APOB: variants seen among roughly 807,000 people sequenced by gnomAD.
APOB encodes the protein apolipoprotein B-100.
Under a neutral mutation model 314.1 loss-of-function variants are expected in APOB, and 153 were observed. That is an observed-to-expected ratio of 0.49 (90% confidence interval 0.43 to 0.56). The LOEUF (loss-of-function observed/expected upper bound fraction) is 0.56. Ranked by LOEUF, APOB falls within the 20% of genes least tolerant of loss-of-function variation. The probability of loss-of-function intolerance (pLI) is 0.00; values close to 1 mark genes in which losing one functional copy is unlikely to be tolerated. For synonymous variants in APOB, 2,087 were observed against 2,036.4 expected (o/e 1.02, Z -0.67); for missense variants, 5,430 against 5,350.7 (o/e 1.01, Z -0.46).
At position 21,010,805 on chromosome 2, in the gene APOB, G is replaced by T; in HGVS notation, c.6063C>A (p.Asp2021Glu). Residue 2021 changes from aspartate to glutamate, a missense_variant, in exon 26 of 29, where the codon GAC (aspartate) becomes GAA (glutamate). By Grantham distance (45) the Asp-to-Glu change is conservative (BLOSUM62 2). Transcript: ENST00000233242. ...GTAAAAGTGGCACTTTAATTGGGGAGTCTAGTAGAGTTAGGTCAGCCAGAG... is the reference window on the plus strand; with the variant it reads ...GTAAAAGTGGCACTTTAATTGGGGATTCTAGTAGAGTTAGGTCAGCCAGAG... ...GRTLADLTLLDSPIKVPLLLS... is the reference protein window; with the variant it reads ...GRTLADLTLLESPIKVPLLLS... 1 of 1,614,154 alleles carries T rather than the reference G, an allele frequency of 6.2e-7. No individual in the cohort carries two copies. The highest frequency in any genetic ancestry group is 8.5e-7 in the Non-Finnish European group (1 of 1,180,006).
chr2:21,042,243 G>A (rs1572804944), intron 3 of APOB, 118 bp downstream of exon 3: 1 of 794,472 alleles, frequency 1.3e-6, no homozygotes, highest in South Asian at 1.4e-5. Context: ...ACAGTTCTGG[G>A]ATGTTCTGCG....
rs12713501 is a variant in APOB at position 21,004,305 on chromosome 2, G to A, written c.12051C>T (p.Asp4017=). ...GTVGMDMDED[D]DFSKWNFYYS... is the part of the protein sequence containing the mutation. ...AGTAGAAGTTCCATTTAGAAAAGTC[G>A]TCATCTTCATCCATATCCATGCCCA... The change falls in exon 28 of 29, where the codon GAC becomes GAT. Residue 4017 remains aspartate (D), a synonymous_variant. Transcript: ENST00000233242. 3.7e-5 allele frequency: 60 copies of A among 1,613,804 alleles called. No homozygotes were observed. Among genetic ancestry groups the A allele is most frequent in the African/African-American group, 3.2e-4 (24 of 74,888 alleles).
In APOB at chr2:21,006,160, G is replaced by A. The variant is rs201736972; in HGVS notation, c.10708C>T (p.His3570Tyr). Reference protein sequence around the residue: ...YSLWEHSTKNHLQLEGLFFTN... With the variant: ...YSLWEHSTKNYLQLEGLFFTN... Reference sequence around the variant, plus strand: ...AAAAAGAGGCCCTCTAGCTGTAAGTGGTTTTTCGTACTGTGCTCCCAGAGG... The same window carrying A: ...AAAAAGAGGCCCTCTAGCTGTAAGTAGTTTTTCGTACTGTGCTCCCAGAGG... Residue 3570 changes from histidine (H) to tyrosine (Y), a missense_variant, in exon 26 of 29, where the codon CAC (histidine) becomes TAC (tyrosine). His to Tyr is a moderately conservative substitution (Grantham distance 83). Coordinates refer to ENST00000233242, the MANE Select transcript of APOB (RefSeq NM_000384.3). The A allele has an allele frequency of 1.5e-4, 241 of 1,613,882 alleles. No homozygotes were observed. Among genetic ancestry groups the A allele is most frequent in the Non-Finnish European group, 2.0e-4 (232 of 1,179,968 alleles).
chr2:21,032,327 G>A (rs761663221), intron 10 of APOB, 27 bp downstream of exon 10: 26 of 1,595,428 alleles, frequency 1.6e-5, no homozygotes, highest in Middle Eastern at 2.0e-4. Context: ...CTGCTCCTAG[G>A]AGGAGAAATA....
rs757085999 is a variant in APOB, at chr2:21,037,116, G to T, written c.677C>A (p.Ala226Asp). Residue 226 changes from alanine (A) to aspartate (D), a missense_variant, in exon 6 of 29, where the codon GCT becomes GAT. Around this residue, in one of 3 missense-constraint regions of APOB, gnomAD observed 2,085 missense variants for 2,079.7 expected, o/e 1.00. Transcript: ENST00000233242. ...GGGACTTACCATGCCTTTGATGAGA[G>T]CAAGTGGGCTGATGCCTGTGCGGAT... ...KPIRTGISPL[A>D]LIKGMTRPLS... 3 of 1,614,228 alleles carry T rather than the reference G, an allele frequency of 1.9e-6. No homozygotes were observed. The highest frequency in any genetic ancestry group is 3.3e-5 in the Admixed American group (2 of 60,036).
At position 21,034,863 on chromosome 2, in the gene APOB, A is replaced by G. The variant is rs1481695748; in HGVS notation, c.857T>C (p.Leu286Ser). The G allele has an allele frequency of 6.2e-7, 1 of 1,605,774 alleles. No homozygotes were observed. Among genetic ancestry groups the G allele is most frequent in the Non-Finnish European group, 8.5e-7 (1 of 1,172,382 alleles). Residue 286 changes from leucine to serine, a missense_variant, in exon 8 of 29, where the codon TTG becomes TCG. Physicochemically the swap from Leu to Ser is moderately radical, Grantham distance 145 (BLOSUM62 -2). This residue lies in a region of APOB where 2,085 missense variants were observed against 2,079.7 expected (regional missense o/e 1.00). Coordinates refer to ENST00000233242, the MANE Select transcript of APOB (RefSeq NM_000384.3). ...GATCTTTGGTGTGTCTTCAAGTTTC[A>G]AAGTCTGTGTCACTTGTGCTACCAT... is the stretch of plus-strand genomic sequence containing the variant. The part of the protein sequence containing the change: ...YGMVAQVTQT[L>S]KLEDTPKINS...
At chr2:21,039,910 T>A (rs1664090908) in intron 4 of APOB, among the ~76,000 whole-genome samples, 1 of 152,220 alleles carries the variant, frequency 6.6e-6, no homozygotes, top group African/African-American at 2.4e-5. Flanking sequence ...CATCTGAATC[T>A]AATGTTTAGC....
chr2:21,010,593 A>G lies in APOB; in HGVS notation c.6275T>C (p.Leu2092Pro). The change falls in exon 26 of 29, where the codon CTG (leucine) becomes CCG (proline). Residue 2092 changes from leucine to proline, a missense_variant. Physicochemically the swap from Leu to Pro is moderately conservative, Grantham distance 98 (BLOSUM62 -3). Coordinates refer to ENST00000233242, the MANE Select transcript of APOB (RefSeq NM_000384.3). ...ERNRQTIIVVLENVQRNLKHI... is the reference protein window; with the variant it reads ...ERNRQTIIVVPENVQRNLKHI... ...CTTCAGGTTTCTCTGTACGTTTTCCAGTACAACTATAATGGTTTGTCGATT... is the reference window on the plus strand; with the variant it reads ...CTTCAGGTTTCTCTGTACGTTTTCCGGTACAACTATAATGGTTTGTCGATT... 6.2e-7 allele frequency: 1 copy of G among 1,613,994 alleles called. No homozygotes were observed. The highest frequency in any genetic ancestry group is 8.5e-7 in the Non-Finnish European group (1 of 1,179,958).
chr2:21,015,045 A>G, intron 23 of APOB, 28 bp downstream of exon 23: 1 of 1,604,900 alleles, frequency 6.2e-7, no homozygotes. Flanking sequence ...ATATCCATGT[A>G]TTTATTGACT....
intron 4 of APOB, 131 bp from the exon 5 acceptor site, chr2:21,038,242 T>C: frequency 2.0e-6 from 2 of 980,870 alleles, no homozygotes; most frequent in Non-Finnish European, 3.2e-6. Context: ...CATTTATTTG[T>C]AAATATAGAA....
At chr2:21,029,843 T>C in intron 11 of APOB, 55 bp downstream of exon 11, 1 of 1,611,612 alleles carries the variant, frequency 6.2e-7, no homozygotes, top group Non-Finnish European at 8.5e-7. Context: ...AAGTAAAAGG[T>C]GTCCAGGAAA....
rs765719696 is a variant in APOB, at chr2:21,024,852, G to C, written c.2436+81C>G. On this transcript the variant is annotated intron_variant, in intron 16 of 28. Coordinates refer to ENST00000233242, the MANE Select transcript of APOB (RefSeq NM_000384.3). ...AGCATCTTTTCGGGCTTGTGCAGCT[G>C]GGATCGTAAGGGAGTCTGGGCGATC... 2.8e-6 allele frequency: 4 copies of C among 1,437,450 alleles called. No individual in the cohort carries two copies. The East Asian group carries it at 9.1e-5, about 33-fold the overall frequency. The allele number at this position is 1,437,450 out of a possible 1,614,324, so 89.0% of individuals were successfully genotyped here.
Position 21,009,291 on chromosome 2 carries a change from A to C in APOB, c.7577T>G (p.Met2526Arg). Residue 2526 changes from methionine to arginine, a missense_variant, in exon 26 of 29, where the codon ATG becomes AGG. Met to Arg is a moderately conservative substitution (Grantham distance 91). This residue lies in a region of APOB where 3,281 missense variants were observed against 3,171.0 expected (regional missense o/e 1.03). Transcript: ENST00000233242. ...TCGTTGAAGTTCCTGCTGAATGTCC[A>C]TTTGATACATTCGGTCTCGTGTATC... ...LEDTRDRMYQ[M>R]DIQQELQRYL... The C allele has an allele frequency of 6.2e-7, 1 of 1,614,116 alleles. No homozygotes were observed. Among genetic ancestry groups the C allele is most frequent in the Admixed American group, 1.7e-5 (1 of 60,024 alleles).
rs1193351124 is a variant in APOB, at chr2:21,007,074, A to G, written c.9794T>C (p.Ile3265Thr). ...CACATAGCCGAATGCCGACATCTCT[A>G]TGGTGAATGGAGACACTTCAACATT... ...VVNVEVSPFT[I>T]EMSAFGYVFP... The change falls in exon 26 of 29, where the codon ATA (isoleucine) becomes ACA (threonine). Residue 3265 changes from isoleucine to threonine, a missense_variant. Ile to Thr is a moderately conservative substitution (Grantham distance 89). Around this residue, in one of 3 missense-constraint regions of APOB, gnomAD observed 3,281 missense variants for 3,171.0 expected, o/e 1.03. Transcript: ENST00000233242. 4 of 1,613,910 alleles carry G rather than the reference A, an allele frequency of 2.5e-6. No homozygotes were observed. The highest frequency in any genetic ancestry group is 3.4e-6 in the Non-Finnish European group (4 of 1,179,952).
At position 21,010,026 on chromosome 2, in the gene APOB, A is replaced by G. The variant is rs1663262814; in HGVS notation, c.6842T>C (p.Leu2281Pro). The G allele has an allele frequency of 6.2e-7, 1 of 1,613,562 alleles. No individual in the cohort carries two copies. Among genetic ancestry groups the G allele is most frequent in the Non-Finnish European group, 8.5e-7 (1 of 1,179,818 alleles). ...AATGTGTTGTTTTAACTTTCCAGCT[A>G]GGTGCTGGATGTCTATATTCTGTAT... Reference protein sequence around the residue: ...RHIQNIDIQHLAGKLKQHIEA... With the variant: ...RHIQNIDIQHPAGKLKQHIEA... The change falls in exon 26 of 29, where the codon CTA becomes CCA. Residue 2281 changes from leucine (L) to proline (P), a missense_variant. Physicochemically the swap from Leu to Pro is moderately conservative, Grantham distance 98. Transcript: ENST00000233242.
At chr2:21,034,455 T>G (rs1018342799) in intron 8 of APOB, among the ~76,000 whole-genome samples, 2 of 152,236 alleles carry the variant, frequency 1.3e-5, no homozygotes, top group African/African-American at 4.8e-5. Flanking sequence ...GACTGACTCC[T>G]GAGGTTACTA....
At chr2:21,021,173 GA>G (rs1227087077) in intron 18 of APOB, among the ~76,000 whole-genome samples, 3 of 152,166 alleles carry the variant, frequency 2.0e-5, no homozygotes, top group African/African-American at 7.2e-5. Context: ...CACTTTCCTT[GA>G]AACCAGAAGC....
In APOB at chr2:21,037,822, T is replaced by C. The variant is rs1364378295; in HGVS notation, c.537+136A>G. ...AGGAGGAACCTCGGGCACCAGTATT[T>C]CACGCCAATCCAGGGCTTCCTATGT... On this transcript the variant is annotated intron_variant, in intron 5 of 28. Coordinates refer to ENST00000233242, the MANE Select transcript of APOB (RefSeq NM_000384.3). 2.7e-6 allele frequency: 3 copies of C among 1,126,002 alleles called. No homozygotes were observed. In the African/African-American group the frequency reaches 4.6e-5, roughly 17 times the overall value. 69.8% of individuals were successfully genotyped at this position (1,126,002 alleles called of 1,614,324 possible). A position where few individuals can be genotyped will look rare whatever the true frequency, so the allele number is the denominator to read the frequency against.
intron 10 of APOB, among the ~76,000 whole-genome samples, chr2:21,031,815 A>G (rs1444403119): frequency 2.0e-5 from 3 of 152,034 alleles, no homozygotes; most frequent in Non-Finnish European, 4.4e-5. Context: ...GCATCACTGC[A>G]CTCCAGCCTG....
Sources: gnomAD v4.1 joint callset for allele counts (sites outside exome capture counted in the v4.1 genomes callset) on GRCh38, gnomAD v4.1.1 for gene constraint, gnomAD v4.1.1 regional missense constraint, MANE v1.5 for transcripts, NCBI Gene and HGNC (gene_info 2026-07-23, HGNC 2026-07-21) for gene names.